USO1: variants seen among roughly 807,000 people sequenced by gnomAD.
The protein encoded by USO1 is general vesicular transport factor p115.
USO1 carries 57 observed loss-of-function variants against 124.5 expected under a neutral mutation model. The ratio of observed to expected loss-of-function variants is 0.46; its 90% CI spans 0.37 to 0.57. The LOEUF is 0.57. Among genes scored for constraint, USO1 ranks in the 20% least tolerant of loss-of-function variants. The pLI is 0.00. For missense variants in USO1, 900 were observed against 1,040.6 expected (o/e 0.86, Z 1.86); for synonymous variants, 369 against 362.8 (o/e 1.02, Z -0.19).
Position 75,751,213 on chromosome 4 carries a change from T to A in USO1, c.67-1160T>A, listed in dbSNP as rs1008952392. The stretch of plus-strand genomic sequence containing the variant: ...ATTTTATTTTATTTTATTTTATTTT[T>A]ATTTATTTATTTATTTGAAACGGAA... On this transcript the variant is annotated intron_variant, in intron 1 of 23. Transcript: ENST00000514213. 6.7e-5 allele frequency among the ~76,000 whole-genome samples: 10 copies of A among 150,130 alleles called. No homozygotes were observed. In the East Asian group the frequency reaches 7.9e-4, roughly 12 times the overall value.
chr4:75,743,408 A>T (rs1374633221), intron 1 of USO1, among the ~76,000 whole-genome samples: 2 of 151,994 alleles, frequency 1.3e-5, no homozygotes, highest in Non-Finnish European at 1.5e-5. Flanking sequence ...TCACACTTCC[A>T]TCTGTATCCA....
chr4:75,784,479 G>A (rs554712004), intron 9 of USO1, among the ~76,000 whole-genome samples: 1 of 152,232 alleles, frequency 6.6e-6, no homozygotes, highest in Admixed American at 6.5e-5. Flanking sequence ...TATGGTTTAG[G>A]GTACTATGTA....
intron 1 of USO1, among the ~76,000 whole-genome samples, chr4:75,737,116 G>A (rs537016922): frequency 1.4e-4 from 21 of 152,308 alleles, no homozygotes; most frequent in African/African-American, 2.6e-4. Flanking sequence ...CCAATTTAAT[G>A]TAGTGGGAAA....
intron 8 of USO1, among the ~76,000 whole-genome samples, chr4:75,782,335 A>C (rs1479614175): frequency 6.6e-6 from 1 of 152,206 alleles, no homozygotes; most frequent in Non-Finnish European, 1.5e-5. Flanking sequence ...CCTAATAATA[A>C]AAGGAGAAGG....
At chr4:75,802,736 C>CTT (rs997798305) in intron 17 of USO1, among the ~76,000 whole-genome samples, 977 of 63,684 alleles carry the variant, frequency 0.015, 24 homozygotes, top group African/African-American at 0.035. Flanking sequence ...TTTTTCTTTT[C>CTT]TTTTTTTTTT....
Position 75,790,766 on chromosome 4 carries a change from C to A in USO1, c.1209C>A (p.Ile403=). 1 of 1,610,792 alleles carries A rather than the reference C, an allele frequency of 6.2e-7. No homozygotes were observed. The highest frequency in any genetic ancestry group is 8.5e-7 in the Non-Finnish European group (1 of 1,178,546). Residue 403 remains isoleucine (I), a synonymous_variant, in exon 12 of 24, where the codon ATC becomes ATA. Transcript: ENST00000514213. Reference sequence around the variant, plus strand: ...AAAACCAAAAAGGACAAGGAGAAATCGTGTCAACACTTTTACCTTCTACCA... The same window carrying A: ...AAAACCAAAAAGGACAAGGAGAAATAGTGTCAACACTTTTACCTTCTACCA... The part of the protein sequence containing the change: ...LYKNQKGQGE[I]VSTLLPSTID...
At chr4:75,788,323 A>G (rs895326684) in intron 10 of USO1, among the ~76,000 whole-genome samples, 1 of 151,110 alleles carries the variant, frequency 6.6e-6, no homozygotes, top group African/African-American at 2.4e-5. Flanking sequence ...ACCCGCCACC[A>G]TGCCCGGCTA....
At chr4:75,785,649 T>C (rs1004668192) in intron 9 of USO1, among the ~76,000 whole-genome samples, 1 of 152,110 alleles carries the variant, frequency 6.6e-6, no homozygotes, top group East Asian at 1.9e-4. Context: ...CTTTTTATCC[T>C]CATAAATATT....
chr4:75,741,601 C>CTTTTTTTTTTTT (rs34702586), intron 1 of USO1, among the ~76,000 whole-genome samples: 1 of 78,856 alleles, frequency 1.3e-5, no homozygotes, highest in East Asian at 3.9e-4. Context: ...ACTTTTTAAA[C>CTTTTTTTTTTTT]TTTTTTTTTT....
chr4:75,755,971 C>T (rs1223651987), intron 3 of USO1, among the ~76,000 whole-genome samples: 1 of 151,912 alleles, frequency 6.6e-6, no homozygotes, highest in African/African-American at 2.4e-5. Context: ...GAGATCGAGA[C>T]CATCCTGGCT....
chr4:75,745,408 C>T, intron 1 of USO1: 2 of 502,076 alleles, frequency 4.0e-6, no homozygotes, highest in South Asian at 2.9e-5. Context: ...TCCTTTGTTA[C>T]TAAAAAAAAA....
At chr4:75,768,875 T>C (rs1482799980) in intron 4 of USO1, among the ~76,000 whole-genome samples, 1 of 152,246 alleles carries the variant, frequency 6.6e-6, no homozygotes, top group African/African-American at 2.4e-5. Flanking sequence ...TCTATGTTAG[T>C]ATTTATCCAG....
intron 1 of USO1, among the ~76,000 whole-genome samples, chr4:75,735,781 T>C (rs1720771300): frequency 6.6e-6 from 1 of 152,076 alleles, no homozygotes; most frequent in South Asian, 2.1e-4. Context: ...GTGCTGGGAT[T>C]GCAGCCATGA....
At chr4:75,764,023 T>C (rs777045656) in intron 4 of USO1, among the ~76,000 whole-genome samples, 19 of 152,296 alleles carry the variant, frequency 1.2e-4, no homozygotes, top group Non-Finnish European at 2.4e-4. Context: ...TTAAAAGAAA[T>C]GGCGTATATC....
At chr4:75,796,148 G>T (rs560017098) in intron 13 of USO1, among the ~76,000 whole-genome samples, 1 of 151,936 alleles carries the variant, frequency 6.6e-6, no homozygotes, top group Non-Finnish European at 1.5e-5. Flanking sequence ...TTATATTAGG[G>T]AAAGTATTTT....
At chr4:75,727,081 C>G (rs889585505) in intron 1 of USO1, among the ~76,000 whole-genome samples, 1 of 152,016 alleles carries the variant, frequency 6.6e-6, no homozygotes, top group African/African-American at 2.4e-5. Flanking sequence ...CGAAGAATAC[C>G]CTTTCCTGTT....
At chr4:75,811,415 C>G (rs2047990) in intron 22 of USO1, among the ~76,000 whole-genome samples, 11 of 152,240 alleles carry the variant, frequency 7.2e-5, no homozygotes, top group South Asian at 2.1e-4. Context: ...ATTGGCCCCC[C>G]CCAAAGTGCT....
At chr4:75,788,074 A>G (rs867026561) in intron 10 of USO1, among the ~76,000 whole-genome samples, 1 of 151,752 alleles carries the variant, frequency 6.6e-6, no homozygotes, top group Admixed American at 6.6e-5. Flanking sequence ...TTGTCCTGGG[A>G]ATTTTTTTTG....
intron 8 of USO1, among the ~76,000 whole-genome samples, chr4:75,777,799 A>C (rs1186695085): frequency 6.6e-6 from 1 of 152,178 alleles, no homozygotes; most frequent in African/African-American, 2.4e-5. Context: ...CACAAAGCTA[A>C]ACATAGTCTT....
Sources: gnomAD v4.1 joint callset for allele counts (sites outside exome capture counted in the v4.1 genomes callset) on GRCh38, gnomAD v4.1.1 for gene constraint, MANE v1.5 for transcripts, NCBI Gene and HGNC (gene_info 2026-07-23, HGNC 2026-07-21) for gene names.